The following TEAD1 variants were observed in gnomAD, a reference collection of about 807,000 sequenced individuals.
TEAD1 encodes TEA domain transcription factor 1.
Under a neutral mutation model 54.9 loss-of-function variants are expected in TEAD1, and 9 were observed. The observed-to-expected ratio is 0.16, with a 90% CI of 0.10 to 0.29. TEAD1 has a LOEUF of 0.29. Ranked by LOEUF, TEAD1 falls within the 10% of genes least tolerant of loss-of-function variation. The pLI is 1.00. For synonymous variants in TEAD1, 200 were observed against 187.8 expected, an observed-to-expected ratio of 1.07 and a Z score of -0.53; for missense variants, 387 against 535.9, an observed-to-expected ratio of 0.72 and a Z score of 2.74.
intron 2 of TEAD1, among the ~76,000 whole-genome samples, chr11:12,754,933 G>C (rs1373047687): frequency 6.6e-6 from 1 of 152,224 alleles, no homozygotes; most frequent in Non-Finnish European, 1.5e-5. Context: ...GAAGCTGGTG[G>C]AGAAGGCCCT....
intron 2 of TEAD1, among the ~76,000 whole-genome samples, chr11:12,735,448 C>T (rs1222739062): frequency 6.6e-6 from 1 of 152,184 alleles, no homozygotes; most frequent in Admixed American, 6.5e-5. Flanking sequence ...AATCACACAG[C>T]TACAAAGTGG....
intron 2 of TEAD1, among the ~76,000 whole-genome samples, chr11:12,703,315 A>G (rs1027820491): frequency 5.3e-5 from 8 of 152,220 alleles, no homozygotes; most frequent in Admixed American, 5.2e-4. Flanking sequence ...CAATACATGT[A>G]ACATAGGATG....
chr11:12,889,818 C>T (rs1444927853), intron 9 of TEAD1, among the ~76,000 whole-genome samples: 1 of 152,052 alleles, frequency 6.6e-6, no homozygotes, highest in Admixed American at 6.5e-5. Flanking sequence ...ACCTCCCAGG[C>T]TCAAGGGATT....
chr11:12,788,691 G>T (rs1945734258), intron 3 of TEAD1, among the ~76,000 whole-genome samples: 2 of 152,216 alleles, frequency 1.3e-5, no homozygotes. Flanking sequence ...TAAAGGGACT[G>T]TCTTGTACAA....
intron 3 of TEAD1, among the ~76,000 whole-genome samples, chr11:12,843,587 C>G (rs780380064): frequency 3.3e-5 from 5 of 152,168 alleles, no homozygotes; most frequent in Non-Finnish European, 7.3e-5. Flanking sequence ...GTGACATTGA[C>G]AAAATATTAA....
intron 10 of TEAD1, among the ~76,000 whole-genome samples, chr11:12,910,560 T>C (rs1199166814): frequency 6.6e-6 from 1 of 152,214 alleles, no homozygotes; most frequent in Non-Finnish European, 1.5e-5. Context: ...TGCCAGGTTA[T>C]AACAAATTTT....
intron 2 of TEAD1, among the ~76,000 whole-genome samples, chr11:12,696,240 G>A (rs865853123): frequency 6.6e-6 from 1 of 152,154 alleles, no homozygotes; most frequent in Non-Finnish European, 1.5e-5. Context: ...GTGTTGGACA[G>A]GTAGATACTT....
intron 2 of TEAD1, among the ~76,000 whole-genome samples, chr11:12,722,105 A>G (rs890566490): frequency 2.0e-5 from 3 of 152,234 alleles, no homozygotes; most frequent in South Asian, 2.1e-4. Context: ...AAACAGTGTC[A>G]TATTCACACC....
chr11:12,678,998 A>C (rs1943159419), intron 2 of TEAD1, among the ~76,000 whole-genome samples: 2 of 152,174 alleles, frequency 1.3e-5, no homozygotes, highest in Admixed American at 1.3e-4. Context: ...CTTAGCTTTT[A>C]AATTCTCCTT....
chr11:12,897,121 C>T (rs1392449511), intron 9 of TEAD1, among the ~76,000 whole-genome samples: 1 of 151,930 alleles, frequency 6.6e-6, no homozygotes, highest in Admixed American at 6.6e-5. Flanking sequence ...ATCCCAAATG[C>T]CAGTTTTCTT....
At chr11:12,681,603 C>A (rs1943222939) in intron 2 of TEAD1, among the ~76,000 whole-genome samples, 1 of 152,222 alleles carries the variant, frequency 6.6e-6, no homozygotes, top group Admixed American at 6.5e-5. Context: ...CAGCTGGAGC[C>A]AGCTTAGGGA....
intron 9 of TEAD1, among the ~76,000 whole-genome samples, chr11:12,892,155 AT>A (rs1228699983): frequency 6.6e-6 from 1 of 152,188 alleles, no homozygotes; most frequent in African/African-American, 2.4e-5. Flanking sequence ...TTAATTTCAC[AT>A]TTTTATACTT....
intron 5 of TEAD1, among the ~76,000 whole-genome samples, chr11:12,877,972 T>G (rs11828856): frequency 0.027 from 4,125 of 150,256 alleles, 114 homozygotes; most frequent in African/African-American, 0.077. Flanking sequence ...TAATTTTTTT[T>G]TTTGTGTGTG....
chr11:12,887,330 C>A lies in TEAD1; in HGVS notation c.699+4205C>A, dbSNP rs11828908. Among the ~76,000 whole-genome samples the A allele has an allele frequency of 5.7e-3, 866 of 152,094 alleles. 5 individuals carry two copies. The highest frequency in any genetic ancestry group is 0.02 in the African/African-American group (825 of 41,482). ...CAAGATGGTCTCGATCTCCTGACCT[C>A]GTGATCTGCCCGCCTCGGCCTCCCA... is the stretch of plus-strand genomic sequence containing the variant. On this transcript the variant is annotated intron_variant, in intron 9 of 12. Transcript: ENST00000527636.
At chr11:12,918,794 A>C (rs1044061205) in intron 10 of TEAD1, among the ~76,000 whole-genome samples, 5 of 152,212 alleles carry the variant, frequency 3.3e-5, no homozygotes, top group African/African-American at 1.2e-4. Context: ...CATTCAATGG[A>C]ATATTCTACA....
At chr11:12,718,241 A>G (rs1235227657) in intron 2 of TEAD1, among the ~76,000 whole-genome samples, 1 of 152,122 alleles carries the variant, frequency 6.6e-6, no homozygotes, top group Non-Finnish European at 1.5e-5. Context: ...CCCAGCCACA[A>G]CCTAAGGTTT....
intron 3 of TEAD1, among the ~76,000 whole-genome samples, chr11:12,817,451 G>A (rs1028162914): frequency 6.6e-6 from 1 of 152,100 alleles, no homozygotes; most frequent in Non-Finnish European, 1.5e-5. Context: ...TTTGCCAGAT[G>A]TAAACATTTT....
At chr11:12,909,449 T>C (rs1267686907) in intron 10 of TEAD1, among the ~76,000 whole-genome samples, 2 of 150,198 alleles carry the variant, frequency 1.3e-5, no homozygotes, top group Non-Finnish European at 2.9e-5. Context: ...CCACGTGTTT[T>C]CACTCATAAG....
intron 3 of TEAD1, among the ~76,000 whole-genome samples, chr11:12,852,765 A>G (rs760480184): frequency 2.6e-5 from 4 of 152,104 alleles, no homozygotes; most frequent in Non-Finnish European, 5.9e-5. Flanking sequence ...AATCTCATCT[A>G]CACTTTAAGT....
Sources: gnomAD v4.1 joint callset for allele counts (sites outside exome capture counted in the v4.1 genomes callset) on GRCh38, gnomAD v4.1.1 for gene constraint, MANE v1.5 for transcripts, NCBI Gene and HGNC (gene_info 2026-07-23, HGNC 2026-07-21) for gene names.